NEGR1: variants seen among roughly 807,000 people sequenced by gnomAD.
NEGR1 encodes neuronal growth regulator 1.
In NEGR1, 10 loss-of-function variants were observed where a neutral mutation model predicts 40.9. The observed-to-expected ratio is 0.24, with a 90% confidence interval of 0.15 to 0.42. NEGR1 has a LOEUF of 0.42. Among genes scored for constraint, NEGR1 ranks in the 10% least tolerant of loss-of-function variants. NEGR1 has a pLI of 1.00. For missense variants in NEGR1, 352 were observed against 438.9 expected, an observed-to-expected ratio of 0.80 and a Z score of 1.77; for synonymous variants, 185 against 166.8, an observed-to-expected ratio of 1.11 and a Z score of -0.84.
intron 1 of NEGR1, among the ~76,000 whole-genome samples, chr1:71,985,410 A>C (rs752775583): frequency 1.3e-5 from 2 of 152,182 alleles, no homozygotes; most frequent in African/African-American, 2.4e-5. Flanking sequence ...TTTATGTGTA[A>C]TAGTTCATTT....
intron 1 of NEGR1, chr1:72,274,520 C>A (rs980125653): frequency 3.0e-6 from 2 of 674,414 alleles, no homozygotes; most frequent in Non-Finnish European, 2.7e-6. Flanking sequence ...TTGTCTGTAT[C>A]GGTATCCCAA....
chr1:71,964,988 A>G (rs1042620893), intron 1 of NEGR1, among the ~76,000 whole-genome samples: 2 of 152,158 alleles, frequency 1.3e-5, no homozygotes, highest in Non-Finnish European at 2.9e-5. Flanking sequence ...GCATGGTAAT[A>G]CTATTCCTTT....
chr1:71,512,877 G>C (rs1304392614), intron 6 of NEGR1, among the ~76,000 whole-genome samples: 25 of 152,156 alleles, frequency 1.6e-4, no homozygotes, highest in Non-Finnish European at 1.5e-5. Flanking sequence ...ACCACGCCTG[G>C]CCATACTATC....
chr1:71,921,178 T>G (rs2101883051), intron 2 of NEGR1, among the ~76,000 whole-genome samples: 1 of 152,310 alleles, frequency 6.6e-6, no homozygotes, highest in East Asian at 1.9e-4. Context: ...TATTCAGGAA[T>G]GAGACATATT....
At chr1:71,453,898 A>C (rs1646651357) in intron 6 of NEGR1, among the ~76,000 whole-genome samples, 1 of 152,166 alleles carries the variant, frequency 6.6e-6, no homozygotes, top group Admixed American at 6.5e-5. Flanking sequence ...AGAAATCAGA[A>C]TTCTATACAA....
At chr1:71,643,048 C>A (rs1008628653) in intron 4 of NEGR1, among the ~76,000 whole-genome samples, 1 of 151,872 alleles carries the variant, frequency 6.6e-6, no homozygotes, top group African/African-American at 2.4e-5. Context: ...TTGGTGCTAC[C>A]AATCCCTTCA....
intron 6 of NEGR1, among the ~76,000 whole-genome samples, chr1:71,475,278 A>G (rs1304129731): frequency 1.3e-5 from 2 of 152,078 alleles, no homozygotes; most frequent in East Asian, 3.9e-4. Flanking sequence ...TTTTCCATAT[A>G]TGGCTATTGA....
intron 4 of NEGR1, among the ~76,000 whole-genome samples, chr1:71,612,024 C>T (rs1174668595): frequency 6.6e-6 from 1 of 152,172 alleles, no homozygotes; most frequent in South Asian, 2.1e-4. Flanking sequence ...AGATCAAGAC[C>T]ATCCTGGCTA....
chr1:71,531,601 G>T (rs879827570), intron 6 of NEGR1, among the ~76,000 whole-genome samples: 7 of 151,354 alleles, frequency 4.6e-5, no homozygotes, highest in Middle Eastern at 6.8e-3. Flanking sequence ...ATGATGACTG[G>T]TTCTAATTAT....
At chr1:72,221,113 C>T (rs1438262811) in intron 1 of NEGR1, among the ~76,000 whole-genome samples, 1 of 152,000 alleles carries the variant, frequency 6.6e-6, no homozygotes, top group Non-Finnish European at 1.5e-5. Context: ...CTACGCCATT[C>T]TCATATCTTC....
At chr1:71,575,234 T>A (rs1383136030) in intron 6 of NEGR1, among the ~76,000 whole-genome samples, 1 of 152,158 alleles carries the variant, frequency 6.6e-6, no homozygotes, top group Non-Finnish European at 1.5e-5. Context: ...ATTGAAAAAG[T>A]CAGTTGCTTC....
At chr1:71,944,052 T>C (rs1329425373) in intron 1 of NEGR1, among the ~76,000 whole-genome samples, 1 of 152,230 alleles carries the variant, frequency 6.6e-6, no homozygotes, top group Admixed American at 6.5e-5. Context: ...TACTTTTTAA[T>C]TTTTGAATTC....
chr1:71,435,473 A>C (rs1445496078), intron 6 of NEGR1, among the ~76,000 whole-genome samples: 1 of 152,196 alleles, frequency 6.6e-6, no homozygotes, highest in Non-Finnish European at 1.5e-5. Flanking sequence ...GGAAATCACT[A>C]AGGAGAAAGG....
chr1:72,172,555 A>G (rs1361579504), intron 1 of NEGR1, among the ~76,000 whole-genome samples: 5 of 152,200 alleles, frequency 3.3e-5, no homozygotes, highest in Non-Finnish European at 5.9e-5. Flanking sequence ...TTCATCATAA[A>G]AAATGGATTT....
chr1:71,879,752 C>G (rs1557686435), intron 2 of NEGR1, among the ~76,000 whole-genome samples: 1 of 152,124 alleles, frequency 6.6e-6, no homozygotes. Context: ...CACAACATTT[C>G]TTAGGACTGA....
chr1:72,185,584 C>T (rs1652583861), intron 1 of NEGR1, among the ~76,000 whole-genome samples: 1 of 151,816 alleles, frequency 6.6e-6, no homozygotes, highest in Admixed American at 6.6e-5. Flanking sequence ...TGAGATGTTA[C>T]CATGCATTAA....
At chr1:72,186,831 T>C (rs1365987533) in intron 1 of NEGR1, among the ~76,000 whole-genome samples, 2 of 151,602 alleles carry the variant, frequency 1.3e-5, no homozygotes, top group Non-Finnish European at 3.0e-5. Flanking sequence ...CTGAAAACTG[T>C]AATTTTTCTG....
chr1:72,259,447 T>A (rs576894706), intron 1 of NEGR1, among the ~76,000 whole-genome samples: 1 of 152,260 alleles, frequency 6.6e-6, no homozygotes, highest in Admixed American at 6.5e-5. Flanking sequence ...CCCTTTCTCC[T>A]GTACACAATA....
chr1:71,454,442 CA>C (rs1421457541), intron 6 of NEGR1, among the ~76,000 whole-genome samples: 1 of 151,762 alleles, frequency 6.6e-6, no homozygotes, highest in East Asian at 1.9e-4. Context: ...TCTACTGTGA[CA>C]TTTTTTTTTC....
Sources: gnomAD v4.1 joint callset for allele counts (sites outside exome capture counted in the v4.1 genomes callset) on GRCh38, gnomAD v4.1.1 for gene constraint, MANE v1.5 for transcripts, NCBI Gene and HGNC (gene_info 2026-07-23, HGNC 2026-07-21) for gene names.